Variants in TMEM45A observed in about 807,000 individuals in gnomAD.
TMEM45A encodes the protein transmembrane protein 45A.
TMEM45A carries 25 observed loss-of-function variants against 32.0 expected under a neutral mutation model. That is an observed-to-expected ratio of 0.78 (90% CI 0.57 to 1.09). TMEM45A has a LOEUF of 1.09. Ranked by LOEUF, TMEM45A falls within the 50% of genes least tolerant of loss-of-function variation. TMEM45A has a pLI of 0.00. For missense variants in TMEM45A, 302 were observed against 325.0 expected (o/e 0.93, Z 0.54); for synonymous variants, 122 against 114.8 (o/e 1.06, Z -0.40).
intron 1 of TMEM45A, among the ~76,000 whole-genome samples, chr3:100,501,364 T>C (rs1373682758): frequency 6.6e-6 from 1 of 152,178 alleles, no homozygotes; most frequent in Non-Finnish European, 1.5e-5. Flanking sequence ...CCAAGGCATC[T>C]GTGAAAAGCT....
At chr3:100,538,175 G>A (rs1204440588) in intron 1 of TMEM45A, among the ~76,000 whole-genome samples, 1 of 152,144 alleles carries the variant, frequency 6.6e-6, no homozygotes, top group Non-Finnish European at 1.5e-5. Context: ...ATTATGGGAT[G>A]GTTTAAGGGC....
Position 100,577,065 on chromosome 3 carries a change from A to ATTGTAT in TMEM45A, c.*51_*52insATTTGT. On this transcript the variant is annotated 3_prime_UTR_variant, in exon 6 of 6. Coordinates refer to ENST00000323523, the MANE Select transcript of TMEM45A (RefSeq NM_018004.3). ...TCTAGATAAACCTTTTCTTTTTTAC[A>ATTGTAT]TTGTTCTTGGTTTTGTTTCTCGATC... 6.7e-7 allele frequency: 1 copy of ATTGTAT among 1,481,548 alleles called. No individual in the cohort carries two copies. Among genetic ancestry groups the ATTGTAT allele is most frequent in the East Asian group, 2.3e-5 (1 of 43,942 alleles). The allele number at this position is 1,481,548 out of a possible 1,614,324, so 91.8% of individuals were successfully genotyped here.
chr3:100,550,232 A>C (rs1306508024), intron 1 of TMEM45A, among the ~76,000 whole-genome samples: 3 of 152,034 alleles, frequency 2.0e-5, no homozygotes, highest in East Asian at 3.8e-4. Context: ...TCCTTAATAG[A>C]AGAGAATTGA....
At chr3:100,515,107 C>T (rs1438406362) in intron 1 of TMEM45A, among the ~76,000 whole-genome samples, 2 of 148,978 alleles carry the variant, frequency 1.3e-5, no homozygotes, top group African/African-American at 2.5e-5. Flanking sequence ...TACCATTTGA[C>T]CCAGCCATCC....
chr3:100,492,816 T>C lies in TMEM45A; in HGVS notation c.-116T>C, dbSNP rs556461567. The C allele has an allele frequency of 8.2e-5, 12 of 145,954 alleles. No homozygotes were observed. The highest frequency in any genetic ancestry group is 2.9e-4 in the African/African-American group (11 of 37,998). The allele number at this position is 145,954 out of a possible 1,614,324, so 9.0% of individuals were successfully genotyped here. On this transcript the variant is annotated 5_prime_UTR_variant, in exon 1 of 6. It removes an upstream start codon present in the reference 5' UTR. Coordinates refer to ENST00000323523, the MANE Select transcript of TMEM45A (RefSeq NM_018004.3). The stretch of plus-strand genomic sequence containing the variant: ...CATCCAACACACGGTTTAATTTTCA[T>C]GGGGCTCTGGGATCAAAAGAACAGA...
intron 1 of TMEM45A, among the ~76,000 whole-genome samples, chr3:100,527,223 TAAA>T (rs1413561958): frequency 6.6e-6 from 1 of 152,102 alleles, no homozygotes; most frequent in Non-Finnish European, 1.5e-5. Context: ...TGAGGGTCAA[TAAA>T]AAAGTATTTC....
rs148029384 is a variant in TMEM45A at position 100,527,268 on chromosome 3, T to C, written c.-3-27941T>C. 1.9e-3 allele frequency among the ~76,000 whole-genome samples: 288 copies of C among 152,340 alleles called. 1 individual carries two copies. The highest frequency in any genetic ancestry group is 6.6e-3 in the African/African-American group (276 of 41,568). ...TCCCTTATGGTGACTGAAATGTCTA[T>C]AGATTACTGCAGTATTTGATGACAA... On this transcript the variant is annotated intron_variant, in intron 1 of 5. Transcript: ENST00000323523.
intron 1 of TMEM45A, among the ~76,000 whole-genome samples, chr3:100,545,215 G>A (rs958109250): frequency 6.6e-6 from 1 of 152,010 alleles, no homozygotes; most frequent in African/African-American, 2.4e-5. Flanking sequence ...TTATCCCAAG[G>A]ACATAAGGAT....
chr3:100,520,131 A>T (rs567460932), intron 1 of TMEM45A, among the ~76,000 whole-genome samples: 30 of 152,356 alleles, frequency 2.0e-4, no homozygotes, highest in Non-Finnish European at 3.4e-4. Flanking sequence ...TGCAATAAAC[A>T]AAATAAGTCA....
intron 1 of TMEM45A, among the ~76,000 whole-genome samples, chr3:100,527,291 C>T (rs1290392197): frequency 1.3e-5 from 2 of 152,148 alleles, no homozygotes; most frequent in African/African-American, 4.8e-5. Context: ...TATTTGATGA[C>T]AAGACAAGAA....
intron 1 of TMEM45A, among the ~76,000 whole-genome samples, chr3:100,527,064 C>T (rs1559640957): frequency 6.6e-6 from 1 of 152,126 alleles, no homozygotes; most frequent in Non-Finnish European, 1.5e-5. Flanking sequence ...TGGGACACCA[C>T]CTACATCAGG....
At chr3:100,497,351 C>T (rs572505227) in intron 1 of TMEM45A, among the ~76,000 whole-genome samples, 139 of 152,310 alleles carry the variant, frequency 9.1e-4, no homozygotes, top group Non-Finnish European at 1.7e-3. Flanking sequence ...TATTGTCTGG[C>T]TCACAGTAAA....
chr3:100,551,355 G>A lies in TMEM45A; in HGVS notation c.-3-3854G>A, dbSNP rs1263605158. On this transcript the variant is annotated intron_variant, in intron 1 of 5. Transcript: ENST00000323523. ...AGGTTGTAAGTGGTAGGATCAGGTA[G>A]GAGGGTACGGAGGAAGGACCTTCAT... is the stretch of plus-strand genomic sequence containing the variant. 2.0e-5 allele frequency among the ~76,000 whole-genome samples: 3 copies of A among 152,208 alleles called. No homozygotes were observed. The East Asian group carries it at 5.8e-4, about 29-fold the overall frequency.
rs547416626 is a variant in TMEM45A at position 100,527,576 on chromosome 3, T to C, written c.-3-27633T>C. Among the ~76,000 whole-genome samples, 260 of 152,302 alleles carry C rather than the reference T, an allele frequency of 1.7e-3. 1 individual carries two copies. Among genetic ancestry groups the C allele is most frequent in the Non-Finnish European group, 2.8e-3 (192 of 68,030 alleles). On this transcript the variant is annotated intron_variant, in intron 1 of 5. Coordinates refer to ENST00000323523, the MANE Select transcript of TMEM45A (RefSeq NM_018004.3). Reference sequence around the variant, plus strand: ...CCAAGGGTTCCAACCTTATGAAATATGAAATAGACCTATTTTTAACATCTG... The same window carrying C: ...CCAAGGGTTCCAACCTTATGAAATACGAAATAGACCTATTTTTAACATCTG...
At chr3:100,549,697 A>G (rs1706053584) in intron 1 of TMEM45A, among the ~76,000 whole-genome samples, 1 of 152,224 alleles carries the variant, frequency 6.6e-6, no homozygotes, top group Admixed American at 6.5e-5. Context: ...AGGGCCACTC[A>G]GCATCTGCTT....
chr3:100,563,060 T>G (rs1057432519), intron 4 of TMEM45A, among the ~76,000 whole-genome samples: 1 of 152,208 alleles, frequency 6.6e-6, no homozygotes, highest in Non-Finnish European at 1.5e-5. Context: ...AGACCAGAAA[T>G]CTGAAATCAA....
At chr3:100,531,029 G>A (rs910927399) in intron 1 of TMEM45A, among the ~76,000 whole-genome samples, 1 of 152,010 alleles carries the variant, frequency 6.6e-6, no homozygotes, top group African/African-American at 2.4e-5. Flanking sequence ...TACATTGGGT[G>A]TATCTTGTTG....
At chr3:100,494,722 G>A (rs1357430947) in intron 1 of TMEM45A, among the ~76,000 whole-genome samples, 1 of 152,186 alleles carries the variant, frequency 6.6e-6, no homozygotes, top group African/African-American at 2.4e-5. Context: ...CAGGGAAGCA[G>A]GCTTAGAAGG....
At chr3:100,527,686 A>G (rs989625086) in intron 1 of TMEM45A, among the ~76,000 whole-genome samples, 1 of 152,222 alleles carries the variant, frequency 6.6e-6, no homozygotes, top group Non-Finnish European at 1.5e-5. Context: ...AAGATATACC[A>G]GTTCATGATG....
Sources: allele counts gnomAD v4.1 joint callset (sites outside exome capture counted in the v4.1 genomes callset), GRCh38; gene constraint gnomAD v4.1.1; transcripts MANE v1.5; gene names NCBI Gene and HGNC (gene_info 2026-07-23, HGNC 2026-07-21).